ME1: variants seen among roughly 807,000 people sequenced by gnomAD.
ME1 encodes the protein malic enzyme 1.
Under a neutral mutation model 66.4 loss-of-function variants are expected in ME1, and 74 were observed. The observed-to-expected ratio is 1.11, with a 90% CI of 0.92 to 1.35. The LOEUF is 1.35. ME1 is among the 40% of genes most tolerant of loss of function. The pLI, the probability that ME1 is intolerant of heterozygous loss-of-function variation, is 0.00. For synonymous variants in ME1, 251 were observed against 235.6 expected, an observed-to-expected ratio of 1.07 and a Z score of -0.60; for missense variants, 750 against 694.1, an observed-to-expected ratio of 1.08 and a Z score of -0.90.
intron 3 of ME1, among the ~76,000 whole-genome samples, chr6:83,356,106 T>C (rs753941863): frequency 1.3e-5 from 2 of 152,274 alleles, no homozygotes; most frequent in Non-Finnish European, 2.9e-5. Context: ...GTTTATTTCG[T>C]ATCAAGATAA....
intron 6 of ME1, among the ~76,000 whole-genome samples, chr6:83,307,820 G>A (rs1274746987): frequency 1.3e-5 from 2 of 152,102 alleles, no homozygotes; most frequent in East Asian, 3.8e-4. Flanking sequence ...GAATAAGGGT[G>A]AAGAGCACAT....
intron 5 of ME1, among the ~76,000 whole-genome samples, chr6:83,331,913 T>C (rs1041663555): frequency 4.6e-5 from 7 of 152,200 alleles, no homozygotes; most frequent in Admixed American, 6.5e-5. Flanking sequence ...ACTCAAATTA[T>C]TTTTAGTCAA....
At chr6:83,330,746 C>T (rs1419144975) in intron 5 of ME1, among the ~76,000 whole-genome samples, 17 of 152,102 alleles carry the variant, frequency 1.1e-4, no homozygotes, top group Admixed American at 9.8e-4. Context: ...AAGAAAGACC[C>T]CATTCTCTTT....
intron 5 of ME1, among the ~76,000 whole-genome samples, chr6:83,330,915 TC>T: frequency 6.6e-6 from 1 of 152,238 alleles, no homozygotes; most frequent in East Asian, 1.9e-4. Context: ...AATTTTCTTC[TC>T]TCCCCTGGCT....
intron 6 of ME1, among the ~76,000 whole-genome samples, chr6:83,266,027 C>T (rs527726721): frequency 2.0e-5 from 3 of 152,136 alleles, no homozygotes; most frequent in Admixed American, 6.5e-5. Context: ...CATTATGATA[C>T]TTAAAATAAT....
chr6:83,333,381 A>G (rs1351363098), intron 5 of ME1, among the ~76,000 whole-genome samples: 1 of 152,226 alleles, frequency 6.6e-6, no homozygotes, highest in East Asian at 1.9e-4. Context: ...AAATGAACTC[A>G]TAGACTCAGT....
At chr6:83,297,223 A>T (rs569088745) in intron 6 of ME1, among the ~76,000 whole-genome samples, 27 of 151,776 alleles carry the variant, frequency 1.8e-4, no homozygotes, top group Non-Finnish European at 2.5e-4. Context: ...TAAAATGAAT[A>T]AAAAAAAACC....
intron 7 of ME1, among the ~76,000 whole-genome samples, chr6:83,248,150 A>T (rs577319173): frequency 3.3e-5 from 5 of 152,150 alleles, no homozygotes; most frequent in African/African-American, 1.2e-4. Flanking sequence ...AGAAATCCTG[A>T]CCCTAATTGC....
Position 83,367,234 on chromosome 6 carries a change from T to C in ME1, c.363-15095A>G, listed in dbSNP as rs542140314. Among the ~76,000 whole-genome samples, 20 of 152,322 alleles carry C rather than the reference T, an allele frequency of 1.3e-4. No individual in the cohort carries two copies. The South Asian group carries it at 4.1e-3, about 32-fold the overall frequency. On this transcript the variant is annotated intron_variant, in intron 3 of 13. Transcript: ENST00000369705. ...AACAGTAAATCATGCTGTAAACAGA[T>C]GTGCTGTCATCCAGACTCTTGTTCC...
intron 6 of ME1, among the ~76,000 whole-genome samples, chr6:83,299,202 GACCATT>G (rs925683902): frequency 9.2e-5 from 14 of 151,906 alleles, no homozygotes; most frequent in African/African-American, 3.4e-4. Flanking sequence ...TGGGCAGTAT[GACCATT>G]TTCACAATAT....
intron 9 of ME1, among the ~76,000 whole-genome samples, chr6:83,237,462 T>C (rs1328700667): frequency 1.3e-5 from 2 of 150,916 alleles, no homozygotes; most frequent in South Asian, 4.2e-4. Context: ...GAAAGAAAAC[T>C]AAACTAATTC....
chr6:83,220,017 T>C (rs1188693890), intron 12 of ME1, among the ~76,000 whole-genome samples: 3 of 152,182 alleles, frequency 2.0e-5, no homozygotes, highest in Non-Finnish European at 4.4e-5. Context: ...GCAAGTTCTA[T>C]AACGAATCAA....
chr6:83,424,257 T>C (rs917859308), intron 1 of ME1, among the ~76,000 whole-genome samples: 4 of 152,150 alleles, frequency 2.6e-5, no homozygotes, highest in East Asian at 1.9e-4. Context: ...TATATTTCAA[T>C]TGAAGTGGTG....
intron 3 of ME1, among the ~76,000 whole-genome samples, chr6:83,395,099 T>A (rs1769703657): frequency 6.6e-6 from 1 of 151,928 alleles, no homozygotes; most frequent in South Asian, 2.1e-4. Flanking sequence ...TTTTTTGGTT[T>A]TTTTTTTTGA....
At chr6:83,377,752 T>G (rs1391627577) in intron 3 of ME1, among the ~76,000 whole-genome samples, 4 of 152,188 alleles carry the variant, frequency 2.6e-5, no homozygotes, top group Non-Finnish European at 5.9e-5. Flanking sequence ...TTAACTATGT[T>G]CATAGCTGGG....
chr6:83,327,011 A>T (rs1260626560), intron 5 of ME1, among the ~76,000 whole-genome samples: 3 of 152,194 alleles, frequency 2.0e-5, no homozygotes, highest in Non-Finnish European at 4.4e-5. Flanking sequence ...CCAAATTGAT[A>T]CTTTTATAAT....
intron 1 of ME1, among the ~76,000 whole-genome samples, chr6:83,408,465 T>A (rs1030507902): frequency 6.6e-6 from 1 of 152,170 alleles, no homozygotes; most frequent in Non-Finnish European, 1.5e-5. Context: ...TGGCACATGG[T>A]CAAGATATTC....
Position 83,283,226 on chromosome 6 carries a change from T to G in ME1, c.705-29488A>C, listed in dbSNP as rs1767336041. Among the ~76,000 whole-genome samples, 3 of 35,660 alleles carry G rather than the reference T, an allele frequency of 8.4e-5. 1 individual carries two copies. The highest frequency in any genetic ancestry group is 1.3e-4 in the Non-Finnish European group (3 of 22,392). The allele number at this position is 35,660 out of a possible 152,430, so 23.4% of individuals were successfully genotyped here. On this transcript the variant is annotated intron_variant, in intron 6 of 13. Transcript: ENST00000369705. ...CTGGGCGACAGAGCAAGACTCCGTC[T>G]CAAAAAAAAAAAAAAAAAAAAATGA...
intron 2 of ME1, among the ~76,000 whole-genome samples, chr6:83,403,205 T>C (rs1206891363): frequency 1.3e-5 from 2 of 152,214 alleles, no homozygotes; most frequent in African/African-American, 2.4e-5. Flanking sequence ...GGTGGAAGTA[T>C]GGATCTTGTT....
Sources: gnomAD v4.1 joint callset for allele counts (sites outside exome capture counted in the v4.1 genomes callset) on GRCh38, gnomAD v4.1.1 for gene constraint, MANE v1.5 for transcripts, NCBI Gene and HGNC (gene_info 2026-07-23, HGNC 2026-07-21) for gene names.